Variants in CSMD1 observed in about 807,000 individuals in gnomAD.
CSMD1 encodes the protein CUB and sushi domain-containing protein 1.
A neutral mutation model predicts 417.5 loss-of-function variants in CSMD1; 213 were observed. That is an observed-to-expected ratio of 0.51 (90% confidence interval 0.46 to 0.57). The LOEUF (loss-of-function observed/expected upper bound fraction) is 0.57. Among genes scored for constraint, CSMD1 ranks in the 20% least tolerant of loss-of-function variants. The pLI is 0.00. For missense variants in CSMD1, 6,923 were observed against 4,529.7 expected, an observed-to-expected ratio of 1.53 and a Z score of -15.17; for synonymous variants, 2,862 against 1,736.8, an observed-to-expected ratio of 1.65 and a Z score of -16.11.
Position 3,429,946 on chromosome 8 carries a change from C to T in CSMD1, c.1562-20341G>A, listed in dbSNP as rs571193925. On this transcript the variant is annotated intron_variant, in intron 12 of 69. Transcript: ENST00000635120. The stretch of plus-strand genomic sequence containing the variant: ...GTCTATTTCTTATATTTGTCAATCT[C>T]GATATGTATTAATCGATATCTGTAT... Among the ~76,000 whole-genome samples the T allele has an allele frequency of 3.3e-5, 5 of 152,126 alleles. No homozygotes were observed. In the South Asian group the frequency reaches 8.3e-4, roughly 25 times the overall value.
At chr8:3,141,886 CT>C (rs1818512703) in intron 41 of CSMD1, among the ~76,000 whole-genome samples, 1 of 151,804 alleles carries the variant, frequency 6.6e-6, no homozygotes, top group East Asian at 1.9e-4. Context: ...CAAGCTCCGC[CT>C]CCCGGGTTCA....
rs142819689 is a variant in CSMD1 at position 3,993,805 on chromosome 8, T to C, written c.818+4098A>G. Reference sequence around the variant, plus strand: ...AGGGAGATCACACAACCTGTTTGTTTCACTTGCATTATTTATGTAGTGTTC... The same window carrying C: ...AGGGAGATCACACAACCTGTTTGTTCCACTTGCATTATTTATGTAGTGTTC... On this transcript the variant is annotated intron_variant, in intron 5 of 69. Transcript: ENST00000635120. Among the ~76,000 whole-genome samples, 114 of 152,336 alleles carry C rather than the reference T, an allele frequency of 7.5e-4. 1 individual carries two copies. In the East Asian group the frequency reaches 0.019, roughly 26 times the overall value.
intron 2 of CSMD1, among the ~76,000 whole-genome samples, chr8:4,631,262 T>G (rs1193047302): frequency 2.0e-5 from 3 of 152,080 alleles, no homozygotes; most frequent in African/African-American, 4.8e-5. Flanking sequence ...CTTGGGAGGC[T>G]GAGGCAGGAG....
At chr8:3,411,637 C>G (rs111583197) in intron 12 of CSMD1, among the ~76,000 whole-genome samples, 5,530 of 132,178 alleles carry the variant, frequency 0.042, 236 homozygotes, top group East Asian at 0.16. Flanking sequence ...TCCTTATTAT[C>G]GTTCAGTAGT....
intron 1 of CSMD1, among the ~76,000 whole-genome samples, chr8:4,762,673 A>T (rs181869354): frequency 1.9e-3 from 284 of 152,152 alleles, no homozygotes; most frequent in African/African-American, 6.6e-3. Context: ...GTGGTTCTCT[A>T]TCAATAAGGT....
chr8:4,972,835 C>T (rs946928661), intron 1 of CSMD1, among the ~76,000 whole-genome samples: 1 of 152,056 alleles, frequency 6.6e-6, no homozygotes, highest in Non-Finnish European at 1.5e-5. Context: ...CTGAATATTG[C>T]CCAGTATCTG....
intron 6 of CSMD1, among the ~76,000 whole-genome samples, chr8:3,727,325 G>T (rs573910841): frequency 5.9e-5 from 9 of 152,134 alleles, no homozygotes; most frequent in Middle Eastern, 3.2e-3. Context: ...CCGCCTGAAC[G>T]GTGGCACTGC....
chr8:4,456,845 T>G (rs538234916), intron 2 of CSMD1, among the ~76,000 whole-genome samples: 1 of 152,182 alleles, frequency 6.6e-6, no homozygotes, highest in African/African-American at 2.4e-5. Flanking sequence ...GGACCCATCC[T>G]GACCAAGCCT....
At chr8:4,168,075 G>A (rs1253586566) in intron 3 of CSMD1, among the ~76,000 whole-genome samples, 1 of 151,654 alleles carries the variant, frequency 6.6e-6, no homozygotes, top group African/African-American at 2.4e-5. Flanking sequence ...GTTGTAGGGA[G>A]CTGAAATCGC....
chr8:2,950,976 G>T, intron 66 of CSMD1, 138 bp downstream of exon 66: 2 of 721,312 alleles, frequency 2.8e-6, no homozygotes, highest in Non-Finnish European at 4.2e-6. Flanking sequence ...CTAGGGAGAG[G>T]CTCCAATGAG....
At chr8:3,785,394 G>A (rs1046669634) in intron 5 of CSMD1, among the ~76,000 whole-genome samples, 5 of 152,148 alleles carry the variant, frequency 3.3e-5, no homozygotes, top group African/African-American at 9.7e-5. Context: ...GCCATCAAGG[G>A]TCTGTTCTGG....
intron 3 of CSMD1, among the ~76,000 whole-genome samples, chr8:4,154,963 G>C (rs761266463): frequency 1.3e-5 from 2 of 152,102 alleles, no homozygotes; most frequent in African/African-American, 4.8e-5. Flanking sequence ...TGAAAATTAA[G>C]TGGGCTACCC....
chr8:4,597,082 G>A (rs1800324803), intron 2 of CSMD1, among the ~76,000 whole-genome samples: 1 of 149,866 alleles, frequency 6.7e-6, no homozygotes, highest in Non-Finnish European at 1.5e-5. Context: ...TTTTTCAGCA[G>A]CATGAAAACA....
At chr8:3,010,379 G>A (rs1177104634) in intron 52 of CSMD1, among the ~76,000 whole-genome samples, 1 of 152,122 alleles carries the variant, frequency 6.6e-6, no homozygotes, top group Non-Finnish European at 1.5e-5. Context: ...TGTGCATCAG[G>A]ACTCAGCTCA....
intron 10 of CSMD1, among the ~76,000 whole-genome samples, chr8:3,572,856 T>C (rs1225824608): frequency 6.6e-6 from 1 of 152,192 alleles, no homozygotes; most frequent in Non-Finnish European, 1.5e-5. Flanking sequence ...ATTTCCTCTG[T>C]AAAGTTCTAC....
chr8:3,174,212 G>T (rs1351824614), intron 37 of CSMD1, among the ~76,000 whole-genome samples: 1 of 152,184 alleles, frequency 6.6e-6, no homozygotes, highest in African/African-American at 2.4e-5. Context: ...TTGAGACAGA[G>T]TCCAGGCACA....
chr8:4,033,484 C>T, intron 3 of CSMD1, among the ~76,000 whole-genome samples: 1 of 152,106 alleles, frequency 6.6e-6, no homozygotes, highest in Non-Finnish European at 1.5e-5. Flanking sequence ...TTGATTCTAC[C>T]TATGACCTGG....
intron 23 of CSMD1, among the ~76,000 whole-genome samples, chr8:3,323,090 G>A (rs535335256): frequency 6.6e-6 from 1 of 152,074 alleles, no homozygotes; most frequent in Non-Finnish European, 1.5e-5. Context: ...AAAAACATCT[G>A]TCATTTATCT....
intron 5 of CSMD1, among the ~76,000 whole-genome samples, chr8:3,843,921 T>C (rs1375970507): frequency 4.6e-5 from 7 of 152,176 alleles, no homozygotes; most frequent in African/African-American, 1.7e-4. Flanking sequence ...GAACTTTCCA[T>C]TGCATGCGCA....
Sources: allele counts gnomAD v4.1 joint callset (sites outside exome capture counted in the v4.1 genomes callset), GRCh38; gene constraint gnomAD v4.1.1; transcripts MANE v1.5; gene names NCBI Gene and HGNC (gene_info 2026-07-23, HGNC 2026-07-21).